LINGO2: variants seen among roughly 807,000 people sequenced by gnomAD.
LINGO2 encodes the protein leucine-rich repeat and immunoglobulin-like domain-containing nogo receptor-interacting protein 2.
In LINGO2, 14 loss-of-function variants were observed where a neutral mutation model predicts 30.6. That is an observed-to-expected ratio of 0.46 (90% CI 0.30 to 0.72). The LOEUF is 0.72. Ranked by LOEUF, LINGO2 falls within the 30% of genes least tolerant of loss-of-function variation. LINGO2 has a pLI of 0.07. For synonymous variants in LINGO2, 317 were observed against 288.5 expected, an observed-to-expected ratio of 1.10 and a Z score of -1.00; for missense variants, 729 against 751.7, an observed-to-expected ratio of 0.97 and a Z score of 0.35.
the LINGO2 span, among the ~76,000 whole-genome samples, chr9:29,198,876 A>G: frequency 6.6e-6 from 1 of 152,126 alleles, no homozygotes; most frequent in Non-Finnish European, 1.5e-5. Context: ...AATATTACGC[A>G]TGTAACTGGA....
intron 3 of LINGO2, among the ~76,000 whole-genome samples, chr9:28,297,614 G>A (rs1407416754): frequency 6.6e-6 from 1 of 152,192 alleles, no homozygotes; most frequent in East Asian, 1.9e-4. Flanking sequence ...AGGTTTGTCA[G>A]TGAGTAGAGC....
At chr9:28,374,278 A>C (rs1821034627) in intron 2 of LINGO2, among the ~76,000 whole-genome samples, 2 of 150,764 alleles carry the variant, frequency 1.3e-5, no homozygotes, top group African/African-American at 4.9e-5. Flanking sequence ...AGTAGCTATC[A>C]GACACTTAAA....
chr9:28,154,497 G>C (rs1296271614), intron 4 of LINGO2, among the ~76,000 whole-genome samples: 8 of 152,150 alleles, frequency 5.3e-5, no homozygotes, highest in Non-Finnish European at 1.2e-4. Context: ...GAAGGCACAG[G>C]ACAGATTGCA....
At position 28,432,386 on chromosome 9, in the gene LINGO2, T is replaced by C. The variant is rs76911623; in HGVS notation, c.-279+43554A>G. ...TTTTTCCCAATCAATATAAATTTAATATTTAAAATAATAAGATATTTACTA... is the reference window on the plus strand; with the variant it reads ...TTTTTCCCAATCAATATAAATTTAACATTTAAAATAATAAGATATTTACTA... On this transcript the variant is annotated intron_variant, in intron 2 of 5. Coordinates refer to ENST00000379992, the Ensembl canonical transcript of LINGO2. Among the ~76,000 whole-genome samples the C allele has an allele frequency of 2.2e-3, 333 of 151,614 alleles. 7 individuals are homozygous for C. The East Asian group carries it at 0.041, about 19-fold the overall frequency.
chr9:28,032,941 A>C (rs1214801682), intron 4 of LINGO2, among the ~76,000 whole-genome samples: 1 of 152,186 alleles, frequency 6.6e-6, no homozygotes, highest in African/African-American at 2.4e-5. Flanking sequence ...AAGTTTTAGG[A>C]GACAGCATCC....
the LINGO2 span, among the ~76,000 whole-genome samples, chr9:29,087,019 G>A: frequency 1.7e-4 from 26 of 151,956 alleles, no homozygotes; most frequent in Non-Finnish European, 3.7e-4. Flanking sequence ...GGGATTGCAG[G>A]TGCCTGCCAC....
At chr9:28,497,005 G>C (rs1335479515) in intron 1 of LINGO2, among the ~76,000 whole-genome samples, 1 of 152,222 alleles carries the variant, frequency 6.6e-6, no homozygotes, top group Non-Finnish European at 1.5e-5. Context: ...CTTCTGGCTT[G>C]TAGAGTTTCT....
intron 1 of LINGO2, among the ~76,000 whole-genome samples, chr9:28,590,753 T>C (rs938876665): frequency 6.6e-6 from 1 of 152,156 alleles, no homozygotes; most frequent in African/African-American, 2.4e-5. Context: ...AGTGTGGTGA[T>C]TCCTCAGGGA....
intron 3 of LINGO2, among the ~76,000 whole-genome samples, chr9:28,331,102 A>T (rs1825402662): frequency 6.6e-6 from 1 of 151,998 alleles, no homozygotes; most frequent in African/African-American, 2.4e-5. Flanking sequence ...TAATAATTTT[A>T]AAAAGTATTC....
At chr9:29,055,689 T>C in the LINGO2 span, among the ~76,000 whole-genome samples, 2 of 152,094 alleles carry the variant, frequency 1.3e-5, no homozygotes, top group Admixed American at 6.6e-5. Context: ...CTGTAACCAG[T>C]GGGTAGTCCT....
chr9:28,101,535 T>G (rs951390364), intron 4 of LINGO2, among the ~76,000 whole-genome samples: 6 of 152,204 alleles, frequency 3.9e-5, no homozygotes, highest in African/African-American at 1.4e-4. Context: ...GAACAACTTT[T>G]CACTGACAAA....
At chr9:28,837,074 C>G in the LINGO2 span, among the ~76,000 whole-genome samples, 1 of 152,132 alleles carries the variant, frequency 6.6e-6, no homozygotes, top group African/African-American at 2.4e-5. Context: ...TGATTTTGAA[C>G]TATAAGTTCA....
intron 2 of LINGO2, among the ~76,000 whole-genome samples, chr9:28,381,455 G>A (rs543486967): frequency 6.6e-6 from 1 of 152,094 alleles, no homozygotes; most frequent in Non-Finnish European, 1.5e-5. Context: ...AGCCGCTCAT[G>A]GAATACAGGA....
At chr9:28,471,823 G>A (rs1394525289) in intron 2 of LINGO2, among the ~76,000 whole-genome samples, 1 of 152,090 alleles carries the variant, frequency 6.6e-6, no homozygotes, top group Non-Finnish European at 1.5e-5. Context: ...TCACACACAT[G>A]TCCCAAAAGA....
At chr9:28,076,489 T>C (rs1825626925) in intron 4 of LINGO2, among the ~76,000 whole-genome samples, 2 of 152,102 alleles carry the variant, frequency 1.3e-5, no homozygotes, top group African/African-American at 4.8e-5. Context: ...TTTTTCATTT[T>C]AGTCCAACAA....
At chr9:28,316,027 A>G (rs1490177103) in intron 3 of LINGO2, among the ~76,000 whole-genome samples, 2 of 152,060 alleles carry the variant, frequency 1.3e-5, no homozygotes, top group African/African-American at 4.8e-5. Context: ...CTTTCCCTCA[A>G]GTTTCTCATT....
chr9:28,247,978 G>A (rs1259452508), intron 4 of LINGO2, among the ~76,000 whole-genome samples: 1 of 152,116 alleles, frequency 6.6e-6, no homozygotes, highest in African/African-American at 2.4e-5. Flanking sequence ...AGAGGATGTG[G>A]AAAAAAGGCA....
At chr9:28,938,414 C>G in the LINGO2 span, among the ~76,000 whole-genome samples, 1 of 152,020 alleles carries the variant, frequency 6.6e-6, no homozygotes, top group Non-Finnish European at 1.5e-5. Flanking sequence ...TCTCTCTCTC[C>G]TTTTACATTT....
chr9:28,741,574 C>T, the LINGO2 span, among the ~76,000 whole-genome samples: 10 of 152,000 alleles, frequency 6.6e-5, no homozygotes, highest in South Asian at 2.1e-4. Flanking sequence ...GTTGTGGGGG[C>T]GCTGGTCCAG....
Sources: gnomAD v4.1 joint callset for allele counts (sites outside exome capture counted in the v4.1 genomes callset) on GRCh38, gnomAD v4.1.1 for gene constraint, MANE v1.5 for transcripts, NCBI Gene and HGNC (gene_info 2026-07-23, HGNC 2026-07-21) for gene names.